The following NEK10 variants were observed in gnomAD, a reference collection of about 807,000 sequenced individuals.
NEK10 encodes the protein NIMA related kinase 10.
A neutral mutation model predicts 159.8 loss-of-function variants in NEK10; 122 were observed. The ratio of observed to expected loss-of-function variants is 0.76; its 90% CI spans 0.66 to 0.89. The LOEUF is 0.89. Ranked by LOEUF, NEK10 falls within the 40% of genes least tolerant of loss-of-function variation. The pLI is 0.00. For missense variants in NEK10, 1,342 were observed against 1,323.1 expected (o/e 1.01, Z -0.22); for synonymous variants, 466 against 457.1 (o/e 1.02, Z -0.25).
chr3:27,157,112 T>C (rs1945549573), intron 30 of NEK10, among the ~76,000 whole-genome samples: 1 of 151,116 alleles, frequency 6.6e-6, no homozygotes, highest in Admixed American at 6.6e-5. Context: ...TTCTCACTGA[T>C]ATGTGGGAGC....
intron 23 of NEK10, among the ~76,000 whole-genome samples, chr3:27,208,295 G>A (rs1200160402): frequency 6.6e-6 from 1 of 152,178 alleles, no homozygotes; most frequent in East Asian, 1.9e-4. Flanking sequence ...GCATAGCTTA[G>A]CAGAGAAGAC....
At chr3:27,112,759 T>G (rs753347893) in intron 35 of NEK10, among the ~76,000 whole-genome samples, 3 of 152,208 alleles carry the variant, frequency 2.0e-5, no homozygotes, top group East Asian at 3.8e-4. Flanking sequence ...TATGTGGCCA[T>G]GAAACTTTAT....
chr3:27,267,342 A>G lies in NEK10; in HGVS notation c.2015-10971T>C, dbSNP rs1033692574. Among the ~76,000 whole-genome samples the G allele has an allele frequency of 2.3e-4, 35 of 152,088 alleles. 1 individual carries two copies. The highest frequency in any genetic ancestry group is 1.5e-5 in the Non-Finnish European group (1 of 68,016). ...CCCTAGAGGTAGTAGCTGCTTATAT[A>G]TGTATACCTCATTTTATTGTGCTTC... On this transcript the variant is annotated intron_variant, in intron 22 of 35. Coordinates refer to ENST00000691995, the MANE Select transcript of NEK10 (RefSeq NM_001394966.1).
In NEK10 at chr3:27,364,472, C is replaced by T. The variant is rs547482489; in HGVS notation, c.-38+4753G>A. On this transcript the variant is annotated intron_variant, in intron 1 of 35. Coordinates refer to ENST00000691995, the MANE Select transcript of NEK10 (RefSeq NM_001394966.1). ...CAAAGTCCTGACCTCAGCTGATCCA[C>T]CCGCCTTGGCCTCCCGAAGTGCTGG... is the stretch of plus-strand genomic sequence containing the variant. 5.3e-5 allele frequency among the ~76,000 whole-genome samples: 8 copies of T among 152,046 alleles called. No individual in the cohort carries two copies. The South Asian group carries it at 1.7e-3, about 32-fold the overall frequency.
At chr3:27,114,754 G>A (rs980093254) in intron 35 of NEK10, among the ~76,000 whole-genome samples, 1 of 152,124 alleles carries the variant, frequency 6.6e-6, no homozygotes, top group South Asian at 2.1e-4. Flanking sequence ...GTCCCTCCAG[G>A]CATAAAAGAC....
At chr3:27,336,478 C>G (rs572284219) in intron 5 of NEK10, among the ~76,000 whole-genome samples, 33 of 152,222 alleles carry the variant, frequency 2.2e-4, no homozygotes, top group African/African-American at 7.9e-4. Context: ...GGAAGGAATT[C>G]TCTCTAACTC....
At chr3:27,134,949 T>G (rs1327053121) in intron 31 of NEK10, among the ~76,000 whole-genome samples, 1 of 152,180 alleles carries the variant, frequency 6.6e-6, no homozygotes, top group African/African-American at 2.4e-5. Flanking sequence ...AGTCTCACTT[T>G]TTTCTCCACG....
intron 22 of NEK10, among the ~76,000 whole-genome samples, chr3:27,271,234 T>C (rs980225881): frequency 6.6e-6 from 1 of 152,044 alleles, no homozygotes; most frequent in African/African-American, 2.4e-5. Context: ...CTAATAGTAC[T>C]ATTCACATAT....
intron 30 of NEK10, among the ~76,000 whole-genome samples, chr3:27,157,554 G>A (rs561776698): frequency 5.3e-5 from 8 of 152,266 alleles, no homozygotes; most frequent in African/African-American, 1.9e-4. Flanking sequence ...TTAGGGATGA[G>A]CAACAAAAGT....
chr3:27,312,086 C>A lies in NEK10; in HGVS notation c.568+13G>T. The A allele has an allele frequency of 6.3e-7, 1 of 1,589,732 alleles. No individual in the cohort carries two copies. ...GTCCACAAAAATGGCTGTGTCCCTG[C>A]AATAACACTTACATGTCATGTTGAC... On this transcript the variant is annotated intron_variant, in intron 8 of 35. Transcript: ENST00000691995.
At chr3:27,286,669 C>T (rs1426257560) in intron 20 of NEK10, among the ~76,000 whole-genome samples, 1 of 148,200 alleles carries the variant, frequency 6.7e-6, no homozygotes, top group African/African-American at 2.5e-5. Context: ...GGATCATAGG[C>T]GTGAGCCACC....
chr3:27,246,202 T>C (rs907573455), intron 23 of NEK10, among the ~76,000 whole-genome samples: 1 of 152,206 alleles, frequency 6.6e-6, no homozygotes, highest in African/African-American at 2.4e-5. Context: ...AATGGCATTA[T>C]GTACCTACAT....
intron 22 of NEK10, chr3:27,278,642 C>T: frequency 1.1e-6 from 1 of 931,164 alleles, no homozygotes; most frequent in Non-Finnish European, 1.3e-6. Context: ...AAAGTCCATG[C>T]CTGAAATCTA....
chr3:27,318,358 T>A (rs899087026), intron 6 of NEK10, among the ~76,000 whole-genome samples: 1 of 150,358 alleles, frequency 6.7e-6, no homozygotes, highest in African/African-American at 2.4e-5. Context: ...AGCTCCATTA[T>A]AAAGTTATTG....
intron 7 of NEK10, among the ~76,000 whole-genome samples, chr3:27,313,683 C>A (rs1458296037): frequency 1.3e-5 from 2 of 152,204 alleles, no homozygotes; most frequent in South Asian, 4.2e-4. Context: ...ATGGTATATA[C>A]AATGCTAAGG....
In NEK10 at chr3:27,151,129, G is replaced by A. The variant is rs534462476; in HGVS notation, c.2870-9547C>T. Among the ~76,000 whole-genome samples the A allele has an allele frequency of 5.3e-5, 8 of 152,194 alleles. No individual in the cohort carries two copies. The South Asian group carries it at 6.2e-4, about 12-fold the overall frequency. The stretch of plus-strand genomic sequence containing the variant: ...TGGGAGTTCTAAGGCCTCACACACC[G>A]CTAGTCCCTCTCCATGCTACCATAG... On this transcript the variant is annotated intron_variant, in intron 30 of 35. Transcript: ENST00000691995.
chr3:27,262,481 G>T (rs2040502230), intron 22 of NEK10, among the ~76,000 whole-genome samples: 1 of 152,186 alleles, frequency 6.6e-6, no homozygotes, highest in South Asian at 2.1e-4. Context: ...ATCAGACGTA[G>T]ATTTGGTCTT....
intron 26 of NEK10, among the ~76,000 whole-genome samples, chr3:27,188,344 TGG>T (rs1162319141): frequency 6.6e-6 from 1 of 152,182 alleles, no homozygotes; most frequent in East Asian, 1.9e-4. Flanking sequence ...ACTTCATGAA[TGG>T]GGTCATTGTT....
intron 16 of NEK10, among the ~76,000 whole-genome samples, chr3:27,291,820 T>C (rs1290943057): frequency 1.3e-5 from 2 of 151,990 alleles, no homozygotes; most frequent in African/African-American, 4.8e-5. Context: ...TTTTTTGTAT[T>C]TTTAGTAGAG....
Sources: gnomAD v4.1 joint callset for allele counts (sites outside exome capture counted in the v4.1 genomes callset) on GRCh38, gnomAD v4.1.1 for gene constraint, MANE v1.5 for transcripts, NCBI Gene and HGNC (gene_info 2026-07-23, HGNC 2026-07-21) for gene names.